The following ORC5 variants were observed in gnomAD, a reference collection of about 807,000 sequenced individuals.
ORC5 encodes protein phosphatase 1, regulatory subunit 117.
A neutral mutation model predicts 58.8 loss-of-function variants in ORC5; 39 were observed. That is an observed-to-expected ratio of 0.66 (90% CI 0.51 to 0.87). The LOEUF (loss-of-function observed/expected upper bound fraction) is 0.87. ORC5 is among the 40% of genes least tolerant of loss of function. The pLI is 0.00. For missense variants in ORC5, 493 were observed against 506.3 expected, an observed-to-expected ratio of 0.97 and a Z score of 0.25; for synonymous variants, 218 against 177.6, an observed-to-expected ratio of 1.23 and a Z score of -1.81.
At chr7:104,184,910 A>T (rs1332641485) in intron 6 of ORC5, among the ~76,000 whole-genome samples, 3 of 152,182 alleles carry the variant, frequency 2.0e-5, no homozygotes, top group African/African-American at 7.2e-5. Context: ...CATTTGCACA[A>T]GACTGCCTTC....
At chr7:104,169,174 C>T (rs764745882) in intron 8 of ORC5, among the ~76,000 whole-genome samples, 1 of 152,172 alleles carries the variant, frequency 6.6e-6, no homozygotes, top group Non-Finnish European at 1.5e-5. Context: ...ATGCAATTGT[C>T]ATATACTATT....
chr7:104,177,794 C>A (rs146806918), intron 8 of ORC5, among the ~76,000 whole-genome samples: 1 of 152,128 alleles, frequency 6.6e-6, no homozygotes, highest in African/African-American at 2.4e-5. Flanking sequence ...CATTGTTCAA[C>A]GTCCACTTAG....
chr7:104,206,471 T>A (rs1800086544), intron 1 of ORC5, among the ~76,000 whole-genome samples: 2 of 152,236 alleles, frequency 1.3e-5, no homozygotes, highest in African/African-American at 4.8e-5. Flanking sequence ...CATTTCTGGC[T>A]GGAGTGATCT....
intron 5 of ORC5, among the ~76,000 whole-genome samples, chr7:104,191,329 G>C (rs930127304): frequency 1.3e-5 from 2 of 152,026 alleles, no homozygotes; most frequent in South Asian, 2.1e-4. Context: ...TGTAAGAAAA[G>C]AGAGATGGAA....
chr7:104,197,684 G>C, intron 4 of ORC5, 41 bp downstream of exon 4: 1 of 1,316,394 alleles, frequency 7.6e-7, no homozygotes, highest in Non-Finnish European at 1.1e-6. Context: ...ACAATCCATT[G>C]ATTAAGTTGT....
At chr7:104,204,988 GAGAACAAATA>G (rs923495002) in intron 1 of ORC5, among the ~76,000 whole-genome samples, 29 of 150,684 alleles carry the variant, frequency 1.9e-4, no homozygotes, top group African/African-American at 6.6e-4. Flanking sequence ...AGGTACTGAA[GAGAACAAATA>G]ACAGTAAAAG....
intron 6 of ORC5, among the ~76,000 whole-genome samples, chr7:104,185,152 T>C (rs1562823248): frequency 6.6e-6 from 1 of 152,046 alleles, no homozygotes. Flanking sequence ...GGTGAGGGGT[T>C]GATAGATGCA....
chr7:104,156,853 A>C (rs1395532729), intron 12 of ORC5, among the ~76,000 whole-genome samples: 1 of 151,926 alleles, frequency 6.6e-6, no homozygotes, highest in Non-Finnish European at 1.5e-5. Flanking sequence ...CAGCAAGTTT[A>C]TTTCCATTCA....
chr7:104,190,892 C>G (rs149833155), intron 5 of ORC5, among the ~76,000 whole-genome samples: 2 of 151,942 alleles, frequency 1.3e-5, no homozygotes, highest in East Asian at 3.9e-4. Context: ...ATTTTAACCA[C>G]TCTTGTGCCT....
chr7:104,143,178 A>G (rs963229529), intron 12 of ORC5, among the ~76,000 whole-genome samples: 1 of 152,134 alleles, frequency 6.6e-6, no homozygotes, highest in Non-Finnish European at 1.5e-5. Context: ...ACAGAAGAAA[A>G]CATTAATTAC....
chr7:104,179,854 G>C (rs1799399328), intron 8 of ORC5, among the ~76,000 whole-genome samples: 1 of 152,078 alleles, frequency 6.6e-6, no homozygotes, highest in African/African-American at 2.4e-5. Flanking sequence ...TTCTCCCCTT[G>C]AGAAAGTACA....
chr7:104,160,751 C>T (rs1033887016), intron 12 of ORC5, among the ~76,000 whole-genome samples: 6 of 152,010 alleles, frequency 3.9e-5, no homozygotes, highest in Non-Finnish European at 5.9e-5. Context: ...CATTAAATTA[C>T]AATTCATCAA....
At position 104,197,710 on chromosome 7, in the gene ORC5, T is replaced by C. The variant is rs1442970162; in HGVS notation, c.441+15A>G. The C allele has an allele frequency of 8.3e-6, 13 of 1,570,854 alleles. No homozygotes were observed. The highest frequency in any genetic ancestry group is 1.4e-5 in the African/African-American group (1 of 73,378). On this transcript the variant is annotated intron_variant, in intron 4 of 13. Coordinates refer to ENST00000297431, the MANE Select transcript of ORC5 (RefSeq NM_002553.4). ...ATTAAGTTGTGGGGAGAAAGCACTT[T>C]CTCACATTACTTACCAATTCTTGTA...
Position 104,200,927 on chromosome 7 carries a change from C to T in ORC5, c.197G>A (p.Cys66Tyr). The T allele has an allele frequency of 1.2e-6, 2 of 1,613,430 alleles. No individual in the cohort carries two copies. The highest frequency in any genetic ancestry group is 1.7e-6 in the Non-Finnish European group (2 of 1,179,546). Residue 66 changes from cysteine (C) to tyrosine (Y), a missense_variant, in exon 3 of 14, where the codon TGC (cysteine) becomes TAC (tyrosine). Physicochemically the swap from Cys to Tyr is radical, Grantham distance 194. This residue lies in a region of ORC5 where 412 missense variants were observed against 403.7 expected (regional missense o/e 1.02). Coordinates refer to ENST00000297431, the MANE Select transcript of ORC5 (RefSeq NM_002553.4). ...TTCCAAAAGCAGCCTCAATGTAAAG[C>T]ATTCAACACAATTCACAAACACATG... ...LPHVFVNCVECFTLRLLLEQI... is the reference protein window; with the variant it reads ...LPHVFVNCVEYFTLRLLLEQI...
intron 1 of ORC5, among the ~76,000 whole-genome samples, chr7:104,207,512 C>T (rs1175879503): frequency 6.6e-6 from 1 of 152,206 alleles, no homozygotes; most frequent in Non-Finnish European, 1.5e-5. Context: ...ACATCTGTTA[C>T]ATAAATGTCA....
At chr7:104,150,468 A>C (rs1798826037) in intron 12 of ORC5, among the ~76,000 whole-genome samples, 1 of 152,100 alleles carries the variant, frequency 6.6e-6, no homozygotes, top group Non-Finnish European at 1.5e-5. Flanking sequence ...CAGAGGTGGT[A>C]AATGCAGCAC....
chr7:104,128,597 A>C (rs1050143788), intron 13 of ORC5, among the ~76,000 whole-genome samples: 1 of 151,642 alleles, frequency 6.6e-6, no homozygotes, highest in Non-Finnish European at 1.5e-5. Context: ...ATATGTATAC[A>C]TGTGCCATGC....
intron 12 of ORC5, among the ~76,000 whole-genome samples, chr7:104,146,383 G>C (rs1798752830): frequency 6.6e-6 from 1 of 150,572 alleles, no homozygotes; most frequent in African/African-American, 2.5e-5. Flanking sequence ...TTTAATTGTA[G>C]TAGCCAAAAA....
rs138985546 is a variant in ORC5, at chr7:104,163,496, T to C, written c.1038+1739A>G. On this transcript the variant is annotated intron_variant, in intron 11 of 13. Coordinates refer to ENST00000297431, the MANE Select transcript of ORC5 (RefSeq NM_002553.4). ...TTTGGGGGGTTTTGTTTTGTTTGTT[T>C]GTCTGTTTGAGAAGGAGACTCACTC... Among the ~76,000 whole-genome samples, 12 of 152,314 alleles carry C rather than the reference T, an allele frequency of 7.9e-5. No homozygotes were observed. The East Asian group carries it at 2.1e-3, about 27-fold the overall frequency.
Sources: gnomAD v4.1 joint callset for allele counts (sites outside exome capture counted in the v4.1 genomes callset) on GRCh38, gnomAD v4.1.1 for gene constraint, gnomAD v4.1.1 regional missense constraint, MANE v1.5 for transcripts, NCBI Gene and HGNC (gene_info 2026-07-23, HGNC 2026-07-21) for gene names.